Variants in SRRM3 observed in about 807,000 individuals in gnomAD.
SRRM3 encodes the protein serine/arginine repetitive matrix protein 3.
SRRM3 carries 27 observed loss-of-function variants against 66.2 expected under a neutral mutation model. The observed-to-expected ratio is 0.41, with a 90% CI of 0.30 to 0.56. The LOEUF (loss-of-function observed/expected upper bound fraction) is 0.56, where lower values mean the gene tolerates loss of function less well. Among genes scored for constraint, SRRM3 ranks in the 20% least tolerant of loss-of-function variants. The pLI is 0.32. For synonymous variants in SRRM3, 391 were observed against 414.9 expected, an observed-to-expected ratio of 0.94 and a Z score of 0.70; for missense variants, 918 against 991.9, an observed-to-expected ratio of 0.93 and a Z score of 1.00.
At chr7:76,243,671 C>T (rs1306792276) in intron 2 of SRRM3, among the ~76,000 whole-genome samples, 1 of 152,202 alleles carries the variant, frequency 6.6e-6, no homozygotes, top group Non-Finnish European at 1.5e-5. Flanking sequence ...CCCTGCCAGC[C>T]CCCCACAAGC....
chr7:76,241,635 C>T (rs1372832668), intron 2 of SRRM3, among the ~76,000 whole-genome samples: 1 of 152,176 alleles, frequency 6.6e-6, no homozygotes, highest in Non-Finnish European at 1.5e-5. Context: ...TCCCGAGTAG[C>T]TGGGACTACA....
chr7:76,209,979 G>A (rs1159262700), intron 1 of SRRM3, among the ~76,000 whole-genome samples: 1 of 152,186 alleles, frequency 6.6e-6, no homozygotes, highest in African/African-American at 2.4e-5. Flanking sequence ...GCTCAGGTTT[G>A]CACTTCAGGA....
rs564787913 is a variant in SRRM3, at chr7:76,279,885, C to T, written c.1009-1556C>T. 3.3e-5 allele frequency among the ~76,000 whole-genome samples: 5 copies of T among 152,240 alleles called. No individual in the cohort carries two copies. The East Asian group carries it at 7.7e-4, about 23-fold the overall frequency. Reference sequence around the variant, plus strand: ...ACCTAAGAGTTGCCCACTCAGGAGCCGGGCGCTGCCAGCCCTTCCTCCAGA... The same window carrying T: ...ACCTAAGAGTTGCCCACTCAGGAGCTGGGCGCTGCCAGCCCTTCCTCCAGA... On this transcript the variant is annotated intron_variant, in intron 11 of 14. Coordinates refer to ENST00000611745, the MANE Select transcript of SRRM3 (RefSeq NM_001110199.3).
chr7:76,235,096 C>A lies in SRRM3; in HGVS notation c.30C>A (p.Ala10=). ...CCTCCACCGTGAACAACGGGGCGGC[C>A]AGCATGCAGTCCACACCCGACGCCG... MSSTVNNGA[A]SMQSTPDAAN... is the part of the protein sequence containing the mutation. The change falls in exon 2 of 15, where the codon GCC becomes GCA. Residue 10 remains alanine (A), a synonymous_variant. Coordinates refer to ENST00000611745, the MANE Select transcript of SRRM3 (RefSeq NM_001110199.3). The A allele has an allele frequency of 6.3e-7, 1 of 1,586,238 alleles. No individual in the cohort carries two copies.
chr7:76,267,361 C>A lies in SRRM3; in HGVS notation c.934C>A (p.Gln312Lys). 6.7e-7 allele frequency: 1 copy of A among 1,484,844 alleles called. No homozygotes were observed. 92.0% of individuals were successfully genotyped at this position (1,484,844 alleles called of 1,614,324 possible). A position where few individuals can be genotyped will look rare whatever the true frequency, so the allele number is the denominator to read the frequency against. ...GGGCGGCAGCGGATGGGGGTCGCCC[C>A]AGCGGAACGGCGGCAGCGGGCAGCG... The part of the protein sequence containing the change: ...PSGGSGWGSP[Q>K]RNGGSGQRSG... The change falls in exon 11 of 15, where the codon CAG becomes AAG. Residue 312 changes from glutamine (Q) to lysine (K), a missense_variant. Transcript: ENST00000611745.
At chr7:76,220,325 C>T (rs74716072) in intron 1 of SRRM3, among the ~76,000 whole-genome samples, 15,211 of 152,152 alleles carry the variant, frequency 0.1, 817 homozygotes, top group South Asian at 0.15. Context: ...GAAGGCTTCA[C>T]GGAGGAGGTG....
chr7:76,239,619 C>T (rs1385383471), intron 2 of SRRM3, among the ~76,000 whole-genome samples: 1 of 152,072 alleles, frequency 6.6e-6, no homozygotes, highest in African/African-American at 2.4e-5. Flanking sequence ...GAGAGGATTA[C>T]TTAAGCCTGA....
Position 76,281,781 on chromosome 7 carries a change from G to T in SRRM3, c.1349G>T (p.Gly450Val). The T allele has an allele frequency of 7.2e-7, 1 of 1,385,686 alleles. No individual in the cohort carries two copies. Among genetic ancestry groups the T allele is most frequent in the Non-Finnish European group, 9.3e-7 (1 of 1,070,052 alleles). The allele number at this position is 1,385,686 out of a possible 1,614,324, so 85.8% of individuals were successfully genotyped here. The change falls in exon 12 of 15, where the codon GGC (glycine) becomes GTC (valine). Residue 450 changes from glycine to valine, a missense_variant. Coordinates refer to ENST00000611745, the MANE Select transcript of SRRM3 (RefSeq NM_001110199.3). ...GPGPEPGSER[G>V]HGGHGKRAKE... ...GGGCCCGAGCCCGGCTCTGAGCGAG[G>T]CCACGGCGGACACGGGAAACGGTGA...
chr7:76,266,285 A>C (rs1802040172), intron 10 of SRRM3, among the ~76,000 whole-genome samples: 1 of 120,506 alleles, frequency 8.3e-6, no homozygotes, highest in Non-Finnish European at 1.6e-5. Context: ...TATATTATAT[A>C]TTTATATATT....
chr7:76,270,975 C>CA (rs879967255), intron 11 of SRRM3, among the ~76,000 whole-genome samples: 153 of 141,302 alleles, frequency 1.1e-3, no homozygotes, highest in Middle Eastern at 3.6e-3. Context: ...GACTCTGTCT[C>CA]AAAAAAAAAA....
At chr7:76,266,300 A>G (rs1284157923) in intron 10 of SRRM3, among the ~76,000 whole-genome samples, 1 of 118,142 alleles carries the variant, frequency 8.5e-6, no homozygotes, top group Non-Finnish European at 1.6e-5. Context: ...TATATTTAAT[A>G]TAAATATTAA....
chr7:76,262,530 A>C (rs561908849), intron 8 of SRRM3, among the ~76,000 whole-genome samples: 144 of 151,332 alleles, frequency 9.5e-4, no homozygotes, highest in Non-Finnish European at 1.8e-3. Context: ...AAAAAAAAAA[A>C]AAAAACAAAG....
intron 1 of SRRM3, among the ~76,000 whole-genome samples, chr7:76,231,399 G>A (rs1193334783): frequency 6.6e-6 from 1 of 152,200 alleles, no homozygotes; most frequent in Non-Finnish European, 1.5e-5. Flanking sequence ...CCTAGCACTG[G>A]GGCTAGATTT....
At chr7:76,215,446 G>T (rs149937577) in intron 1 of SRRM3, among the ~76,000 whole-genome samples, 1 of 133,194 alleles carries the variant, frequency 7.5e-6, no homozygotes, top group African/African-American at 2.9e-5. Context: ...CTGTTGCCCA[G>T]AATGGAGTGC....
At chr7:76,230,139 T>C (rs1800976884) in intron 1 of SRRM3, among the ~76,000 whole-genome samples, 1 of 152,184 alleles carries the variant, frequency 6.6e-6, no homozygotes, top group Non-Finnish European at 1.5e-5. Context: ...GTGTCCTCAG[T>C]GAATTTGATT....
At chr7:76,211,857 A>G (rs1423420485) in intron 1 of SRRM3, among the ~76,000 whole-genome samples, 1 of 144,974 alleles carries the variant, frequency 6.9e-6, no homozygotes, top group Non-Finnish European at 1.5e-5. Context: ...TATTATTATT[A>G]GAGACTAGGT....
At chr7:76,277,659 T>C (rs575532135) in intron 11 of SRRM3, among the ~76,000 whole-genome samples, 66 of 147,992 alleles carry the variant, frequency 4.5e-4, no homozygotes, top group Non-Finnish European at 3.7e-4. Flanking sequence ...GATCGTGCCA[T>C]TGCACTCCAG....
At chr7:76,235,373 A>T (rs6962566) in intron 2 of SRRM3, 74 bp downstream of exon 2, 27,748 of 1,265,094 alleles carry the variant, frequency 0.022, 1,718 homozygotes, top group African/African-American at 0.18. Flanking sequence ...GTGATGCTGC[A>T]CGTGGGCGTG....
At chr7:76,221,266 G>C (rs1367835203) in intron 1 of SRRM3, among the ~76,000 whole-genome samples, 1 of 151,200 alleles carries the variant, frequency 6.6e-6, no homozygotes, top group African/African-American at 2.4e-5. Context: ...TGTTGGCCAG[G>C]CTGGTCTCGA....
Sources: allele counts gnomAD v4.1 joint callset (sites outside exome capture counted in the v4.1 genomes callset), GRCh38; gene constraint gnomAD v4.1.1; transcripts MANE v1.5; gene names NCBI Gene and HGNC (gene_info 2026-07-23, HGNC 2026-07-21).